Variants in DNAH6 observed in about 807,000 individuals in gnomAD.
The protein encoded by DNAH6 is axonemal beta dynein heavy chain 6.
Under a neutral mutation model 491.4 loss-of-function variants are expected in DNAH6, and 340 were observed. The observed-to-expected ratio is 0.69, with a 90% CI of 0.63 to 0.76. DNAH6 has a LOEUF of 0.76. DNAH6 is among the 30% of genes least tolerant of loss of function. The pLI is 0.00. For synonymous variants in DNAH6, 1,603 were observed against 1,686.1 expected, an observed-to-expected ratio of 0.95 and a Z score of 1.21; for missense variants, 4,443 against 4,972.2, an observed-to-expected ratio of 0.89 and a Z score of 3.20.
At chr2:84,656,853 A>G (rs532234083) in intron 35 of DNAH6, among the ~76,000 whole-genome samples, 4 of 152,170 alleles carry the variant, frequency 2.6e-5, no homozygotes, top group East Asian at 1.9e-4. Flanking sequence ...ATGAAATTCA[A>G]CTTACCAGTT....
At chr2:84,622,257 CAT>C (rs922338275) in intron 26 of DNAH6, among the ~76,000 whole-genome samples, 4 of 152,130 alleles carry the variant, frequency 2.6e-5, no homozygotes, top group Non-Finnish European at 4.4e-5. Flanking sequence ...CATGCTACCA[CAT>C]GTTATGGGAT....
intron 14 of DNAH6, among the ~76,000 whole-genome samples, chr2:84,580,088 A>T (rs1249176143): frequency 6.6e-6 from 1 of 152,204 alleles, no homozygotes; most frequent in Non-Finnish European, 1.5e-5. Flanking sequence ...GGTTATTGGA[A>T]TTCTAATTTT....
chr2:84,704,013 A>G (rs1281986263), intron 50 of DNAH6, 54 bp from the exon 51 acceptor site: 4 of 1,363,190 alleles, frequency 2.9e-6, no homozygotes, highest in Non-Finnish European at 3.0e-6. Context: ...CTTTGTTTTG[A>G]ATATTAAAAT....
chr2:84,744,969 G>C, intron 62 of DNAH6, 111 bp from the exon 63 acceptor site: 1 of 670,840 alleles, frequency 1.5e-6, no homozygotes, highest in Non-Finnish European at 2.4e-6. Flanking sequence ...TAGTATACTT[G>C]TGGTTAAAAC....
the DNAH6 span, among the ~76,000 whole-genome samples, chr2:84,494,921 C>A: frequency 6.6e-6 from 1 of 152,142 alleles, no homozygotes; most frequent in Non-Finnish European, 1.5e-5. Flanking sequence ...GCATGACTAG[C>A]AAGCTCTCAG....
the DNAH6 span, among the ~76,000 whole-genome samples, chr2:84,497,454 C>T: frequency 2.0e-5 from 3 of 152,144 alleles, no homozygotes; most frequent in East Asian, 1.9e-4. Context: ...TGTTTCATTT[C>T]GCAAGGGTAA....
At chr2:84,769,526 C>T (rs1210949110) in intron 64 of DNAH6, among the ~76,000 whole-genome samples, 6 of 152,224 alleles carry the variant, frequency 3.9e-5, no homozygotes, top group Non-Finnish European at 8.8e-5. Context: ...TACCCCAACC[C>T]TCATTCTCTA....
At chr2:84,662,379 C>G (rs1187619517) in intron 37 of DNAH6, among the ~76,000 whole-genome samples, 1 of 152,168 alleles carries the variant, frequency 6.6e-6, no homozygotes, top group Non-Finnish European at 1.5e-5. Flanking sequence ...CAGGCAGTAC[C>G]TGGAAAATCG....
chr2:84,715,724 A>G, intron 58 of DNAH6, 97 bp downstream of exon 58: 1 of 1,188,928 alleles, frequency 8.4e-7, no homozygotes, highest in Non-Finnish European at 1.2e-6. Flanking sequence ...TCTGCTGTGT[A>G]AGAGCACTAC....
chr2:84,519,362 G>A (rs7587784), intron 2 of DNAH6, among the ~76,000 whole-genome samples: 13,927 of 151,990 alleles, frequency 0.092, 1,596 homozygotes, highest in African/African-American at 0.28. Flanking sequence ...AACATAACTT[G>A]CACAGTATAA....
chr2:84,530,360 T>C (rs1285617681), intron 4 of DNAH6, among the ~76,000 whole-genome samples: 1 of 152,062 alleles, frequency 6.6e-6, no homozygotes, highest in Non-Finnish European at 1.5e-5. Context: ...TGAAAGAGAA[T>C]AAATGAATTA....
chr2:84,517,696 T>G (rs140223421), intron 1 of DNAH6, 123 bp from the exon 2 acceptor site: 91 of 727,554 alleles, frequency 1.3e-4, no homozygotes, highest in Non-Finnish European at 1.8e-4. Flanking sequence ...CTTTGATGGG[T>G]TTTATTTGAG....
At chr2:84,604,860 A>T (rs542898192) in intron 19 of DNAH6, among the ~76,000 whole-genome samples, 1 of 152,330 alleles carries the variant, frequency 6.6e-6, no homozygotes, top group Admixed American at 6.5e-5. Context: ...GCTACCAGAG[A>T]AATCTGTTAA....
chr2:84,743,330 G>A (rs1272525955), intron 62 of DNAH6, among the ~76,000 whole-genome samples: 2 of 152,206 alleles, frequency 1.3e-5, no homozygotes, highest in Non-Finnish European at 2.9e-5. Flanking sequence ...TTCAAGGTTT[G>A]TTCCAGAAAT....
intron 60 of DNAH6, among the ~76,000 whole-genome samples, chr2:84,725,160 T>C (rs1275836462): frequency 6.6e-6 from 1 of 152,248 alleles, no homozygotes; most frequent in African/African-American, 2.4e-5. Context: ...AGAGTCTGTT[T>C]TGATCTCTGC....
At chr2:84,533,442 A>C (rs1307486658) in intron 4 of DNAH6, among the ~76,000 whole-genome samples, 1 of 152,106 alleles carries the variant, frequency 6.6e-6, no homozygotes, top group Non-Finnish European at 1.5e-5. Flanking sequence ...TATGTTCAAT[A>C]TTTTGAGTAG....
In DNAH6 at chr2:84,688,599, G is replaced by A. The variant is rs193043554; in HGVS notation, c.7292+6G>A. The A allele has an allele frequency of 7.2e-3, 10,870 of 1,519,114 alleles. 54 individuals carry two copies. The highest frequency in any genetic ancestry group is 0.018 in the Middle Eastern group (104 of 5,898). 94.1% of individuals were successfully genotyped at this position (1,519,114 alleles called of 1,614,324 possible). A position where few individuals can be genotyped will look rare whatever the true frequency, so the allele number is the denominator to read the frequency against. On this transcript the variant is annotated splice_donor_region_variant and intron_variant, in intron 45 of 76. Transcript: ENST00000389394. ...GCTATAGAACATGTTTCAAGGTATAGTGCTATAAGGCGCCCAATAATGCAT... is the reference window on the plus strand; with the variant it reads ...GCTATAGAACATGTTTCAAGGTATAATGCTATAAGGCGCCCAATAATGCAT...
At chr2:84,750,557 T>G (rs1228112117) in intron 63 of DNAH6, among the ~76,000 whole-genome samples, 1 of 152,178 alleles carries the variant, frequency 6.6e-6, no homozygotes, top group Middle Eastern at 3.2e-3. Context: ...TAAGATCATA[T>G]GACGCCTTAG....
At chr2:84,659,960 C>G (rs2104597089) in intron 37 of DNAH6, among the ~76,000 whole-genome samples, 1 of 152,206 alleles carries the variant, frequency 6.6e-6, no homozygotes, top group East Asian at 1.9e-4. Flanking sequence ...CTGGCCTGGG[C>G]AACAGAGCAA....
Sources: allele counts gnomAD v4.1 joint callset (sites outside exome capture counted in the v4.1 genomes callset), GRCh38; gene constraint gnomAD v4.1.1; transcripts MANE v1.5; gene names NCBI Gene and HGNC (gene_info 2026-07-23, HGNC 2026-07-21).